The following SLC39A11 variants were observed in gnomAD, a reference collection of about 807,000 sequenced individuals.
The protein encoded by SLC39A11 is zinc transporter ZIP11.
In SLC39A11, 33 loss-of-function variants were observed where a neutral mutation model predicts 36.1. The ratio of observed to expected loss-of-function variants is 0.91; its 90% confidence interval spans 0.69 to 1.22. The LOEUF (loss-of-function observed/expected upper bound fraction) is 1.22. Ranked by LOEUF, SLC39A11 falls within the 50% of genes most tolerant of loss-of-function variation. SLC39A11 has a pLI of 0.00. For missense variants in SLC39A11, 432 were observed against 430.3 expected (o/e 1.00, Z -0.03); for synonymous variants, 166 against 170.3 (o/e 0.97, Z 0.20).
At chr17:73,081,410 G>A (rs964930998) in intron 3 of SLC39A11, among the ~76,000 whole-genome samples, 4 of 152,056 alleles carry the variant, frequency 2.6e-5, no homozygotes, top group Admixed American at 1.3e-4. Context: ...AAAACAGTGT[G>A]GAAGTTCCTT....
chr17:72,710,355 A>T (rs1018774682), intron 7 of SLC39A11, among the ~76,000 whole-genome samples: 1 of 152,158 alleles, frequency 6.6e-6, no homozygotes, highest in Non-Finnish European at 1.5e-5. Context: ...TCCAAAATTC[A>T]TATGTTGAAA....
chr17:73,083,621 G>A (rs1169419975), intron 3 of SLC39A11, among the ~76,000 whole-genome samples: 1 of 152,062 alleles, frequency 6.6e-6, no homozygotes. Flanking sequence ...GGAAATACAG[G>A]GGACTGAGGA....
intron 5 of SLC39A11, among the ~76,000 whole-genome samples, chr17:72,903,923 C>A (rs993898474): frequency 6.6e-6 from 1 of 152,006 alleles, no homozygotes; most frequent in Non-Finnish European, 1.5e-5. Context: ...AGCTCCTGGG[C>A]AGGAAAAAAA....
chr17:72,723,321 A>AGTGTGTGTGTGTGTGTGTGT (rs10570164), intron 7 of SLC39A11, among the ~76,000 whole-genome samples: 1,805 of 148,492 alleles, frequency 0.012, 34 homozygotes, highest in African/African-American at 0.042. Flanking sequence ...GGAGTGTAAG[A>AGTGTGTGTGTGTGTGTGTGT]GTGTGTGTGT....
intron 6 of SLC39A11, among the ~76,000 whole-genome samples, chr17:72,822,194 C>T (rs959543522): frequency 2.0e-5 from 3 of 150,136 alleles, no homozygotes; most frequent in East Asian, 3.9e-4. Context: ...ATGTACTACA[C>T]ATTATATGCA....
chr17:72,826,502 A>G (rs980210746), intron 6 of SLC39A11, among the ~76,000 whole-genome samples: 4 of 152,230 alleles, frequency 2.6e-5, no homozygotes, highest in Non-Finnish European at 5.9e-5. Context: ...GCTAATTGGA[A>G]CTATACTTTC....
chr17:73,078,097 G>C (rs1476862375), intron 3 of SLC39A11, among the ~76,000 whole-genome samples: 1 of 152,040 alleles, frequency 6.6e-6, no homozygotes, highest in Non-Finnish European at 1.5e-5. Flanking sequence ...AATTAGCCGG[G>C]TGTGGTGGCG....
chr17:72,908,589 G>A lies in SLC39A11; in HGVS notation c.430+39163C>T, dbSNP rs113337254. Among the ~76,000 whole-genome samples the A allele has an allele frequency of 7.4e-3, 1,121 of 152,312 alleles. 9 individuals carry two copies. Among genetic ancestry groups the A allele is most frequent in the African/African-American group, 0.025 (1,047 of 41,562 alleles). ...AACAGGTCACACAGGCCATCGAGGC[G>A]GATGGGTTTCTTTAGGAGGATTCTG... On this transcript the variant is annotated intron_variant, in intron 5 of 9. Coordinates refer to ENST00000255559, the MANE Select transcript of SLC39A11 (RefSeq NM_139177.4).
intron 4 of SLC39A11, among the ~76,000 whole-genome samples, chr17:72,953,997 C>T (rs2086065206): frequency 6.6e-6 from 1 of 152,180 alleles, no homozygotes; most frequent in Admixed American, 6.5e-5. Context: ...CTGTGATGAC[C>T]CTGCACGTTG....
At chr17:73,038,878 T>G (rs2059016838) in intron 3 of SLC39A11, among the ~76,000 whole-genome samples, 1 of 151,880 alleles carries the variant, frequency 6.6e-6, no homozygotes, top group African/African-American at 2.4e-5. Flanking sequence ...TGCCCCTGGT[T>G]GTTGCTGAAC....
chr17:73,067,827 G>A, intron 3 of SLC39A11: 1 of 1,552,444 alleles, frequency 6.4e-7, no homozygotes, highest in African/African-American at 1.4e-5. Context: ...TCTCTTCTGT[G>A]AAAATCCATT....
At chr17:72,914,608 CA>C (rs1297426048) in intron 5 of SLC39A11, among the ~76,000 whole-genome samples, 2 of 151,822 alleles carry the variant, frequency 1.3e-5, no homozygotes, top group African/African-American at 4.8e-5. Context: ...AGGCCGGGTG[CA>C]GTGGCTCACG....
At chr17:73,011,266 G>A (rs552797365) in intron 4 of SLC39A11, among the ~76,000 whole-genome samples, 5 of 152,324 alleles carry the variant, frequency 3.3e-5, no homozygotes, top group East Asian at 1.9e-4. Flanking sequence ...CAGAGCTGGC[G>A]CAAAGGCAGG....
At chr17:72,926,742 C>T (rs777744192) in intron 5 of SLC39A11, among the ~76,000 whole-genome samples, 2 of 151,998 alleles carry the variant, frequency 1.3e-5, no homozygotes, top group African/African-American at 4.8e-5. Context: ...AGCTTTATTA[C>T]GTTTTAATTA....
At chr17:72,977,743 CAAT>C (rs1400162708) in intron 4 of SLC39A11, among the ~76,000 whole-genome samples, 1 of 152,194 alleles carries the variant, frequency 6.6e-6, no homozygotes, top group African/African-American at 2.4e-5. Flanking sequence ...CACACAGCAA[CAAT>C]GAGTTTGGGG....
chr17:72,739,275 C>T (rs1017665487), intron 6 of SLC39A11, among the ~76,000 whole-genome samples: 17 of 152,034 alleles, frequency 1.1e-4, no homozygotes, highest in Middle Eastern at 3.4e-3. Context: ...TACAGGCATG[C>T]GCCACCATGC....
At chr17:72,697,328 C>T (rs2072353122) in intron 7 of SLC39A11, among the ~76,000 whole-genome samples, 1 of 152,204 alleles carries the variant, frequency 6.6e-6, no homozygotes, top group Non-Finnish European at 1.5e-5. Flanking sequence ...AGTGATCTGC[C>T]CACCTTGGCC....
intron 7 of SLC39A11, among the ~76,000 whole-genome samples, chr17:72,661,611 C>G (rs2070424158): frequency 6.6e-6 from 1 of 152,142 alleles, no homozygotes; most frequent in African/African-American, 2.4e-5. Flanking sequence ...ACATCACCGG[C>G]TTCCCACTAG....
At chr17:73,068,035 A>T in intron 3 of SLC39A11, 9 of 1,587,568 alleles carry the variant, frequency 5.7e-6, no homozygotes, top group Non-Finnish European at 7.8e-6. Flanking sequence ...TGATGAAGTC[A>T]ATGAGTCCTT....
Sources: allele counts gnomAD v4.1 joint callset (sites outside exome capture counted in the v4.1 genomes callset), GRCh38; gene constraint gnomAD v4.1.1; transcripts MANE v1.5; gene names NCBI Gene and HGNC (gene_info 2026-07-23, HGNC 2026-07-21).